The following TTN variants were observed in gnomAD, a reference collection of about 807,000 sequenced individuals.
The protein encoded by TTN is connectin.
Under a neutral mutation model 3,223.0 loss-of-function variants are expected in TTN, and 1,525 were observed. The ratio of observed to expected loss-of-function variants is 0.47; its 90% CI spans 0.45 to 0.49. TTN has a LOEUF of 0.49. Among genes scored for constraint, TTN ranks in the 20% least tolerant of loss-of-function variants. TTN has a pLI of 0.00. For missense variants in TTN, 40,786 were observed against 43,424.0 expected, an observed-to-expected ratio of 0.94 and a Z score of 5.40; for synonymous variants, 14,094 against 15,161.0, an observed-to-expected ratio of 0.93 and a Z score of 5.17.
chr2:178,740,404 T>G lies in TTN; in HGVS notation c.12829A>C (p.Ser4277Arg). 1.2e-6 allele frequency: 2 copies of G among 1,613,136 alleles called. No homozygotes were observed. The highest frequency in any genetic ancestry group is 2.7e-5 in the African/African-American group (2 of 75,026). ...LAEGHVESLQSPDVMISQVNY... is the reference protein window; with the variant it reads ...LAEGHVESLQRPDVMISQVNY... The stretch of plus-strand genomic sequence containing the variant: ...ACCTGAGAGATCATGACATCAGGAC[T>G]CTGGAGACTCTCCACGTGTCCCTCA... Residue 4277 changes from serine to arginine, a missense_variant, in exon 48 of 363, where the codon AGT (serine) becomes CGT (arginine). Ser to Arg is a moderately radical substitution (Grantham distance 110). Coordinates refer to ENST00000589042, the MANE Select transcript of TTN (RefSeq NM_001267550.2).
Position 178,602,083 on chromosome 2 carries a change from A to G in TTN, c.55188T>C (p.Ile18396=). Residue 18396 remains isoleucine (I), a synonymous_variant, in exon 284 of 363, where the codon ATT becomes ATC. Coordinates refer to ENST00000589042, the MANE Select transcript of TTN (RefSeq NM_001267550.2). ...GTCCCTTGATGACAGCAGGAATCCT[A>G]ATCTGTGAGCCAGCTTTACAAACCA... ...DCLVCKAGSQ[I]RIPAVIKGRP... 6.2e-7 allele frequency: 1 copy of G among 1,612,726 alleles called. No homozygotes were observed. The highest frequency in any genetic ancestry group is 8.5e-7 in the Non-Finnish European group (1 of 1,179,214).
At chr2:178,580,723 C>T in intron 316 of TTN, 114 bp from the exon 317 acceptor site, 1 of 1,035,656 alleles carries the variant, frequency 9.7e-7, no homozygotes, top group Non-Finnish European at 1.4e-6. Flanking sequence ...ATTTCTTGTT[C>T]TTTAAAACTT....
Position 178,735,878 on chromosome 2 carries a change from G to A in TTN, c.14568C>T (p.Asn4856=), listed in dbSNP as rs774681207. The A allele has an allele frequency of 1.2e-6, 2 of 1,613,880 alleles. No individual in the cohort carries two copies. Among genetic ancestry groups the A allele is most frequent in the Non-Finnish European group, 1.7e-6 (2 of 1,179,830 alleles). ...AAACTCCTCTATCTTGAATGGTAAG[G>A]TTTGAGAGTTCTAAAATGTGTTTGT... ...AENKHILELS[N]LTIQDRGVYS... Residue 4856 remains asparagine, a synonymous_variant, in exon 50 of 363, where the codon AAC becomes AAT. Coordinates refer to ENST00000589042, the MANE Select transcript of TTN (RefSeq NM_001267550.2).
In TTN at chr2:178,539,489, C is replaced by G. The variant is rs370747109; in HGVS notation, c.98576G>C (p.Gly32859Ala). The change falls in exon 352 of 363, where the codon GGC becomes GCC. Residue 32859 changes from glycine (G) to alanine (A), a missense_variant. Gly to Ala is a moderately conservative substitution (Grantham distance 60). Coordinates refer to ENST00000589042, the MANE Select transcript of TTN (RefSeq NM_001267550.2). Reference protein sequence around the residue: ...RVRGTSLVVKGLKENVEYHFR... With the variant: ...RVRGTSLVVKALKENVEYHFR... ...ATGGTATTCTACATTCTCTTTGAGG[C>G]CTTTTACCACCAGAGATGTACCTCG... 2.5e-6 allele frequency: 4 copies of G among 1,613,768 alleles called. No homozygotes were observed. In the Middle Eastern group the frequency reaches 5.0e-4, roughly 200 times the overall value.
Position 178,575,162 on chromosome 2 carries a change from A to G in TTN, c.70970T>C (p.Val23657Ala), listed in dbSNP as rs754468593. The G allele has an allele frequency of 3.1e-6, 5 of 1,612,720 alleles. No individual in the cohort carries two copies. Among genetic ancestry groups the G allele is most frequent in the Non-Finnish European group, 4.2e-6 (5 of 1,179,324 alleles). Reference sequence around the variant, plus strand: ...CACTGTGGGCTTCGGTCGACCGAGCACTGGAATTTCAACTTTGATGTTGTC... The same window carrying G: ...CACTGTGGGCTTCGGTCGACCGAGCGCTGGAATTTCAACTTTGATGTTGTC... ...AGDNIKVEIP[V>A]LGRPKPTVTW... Residue 23657 changes from valine to alanine, a missense_variant, in exon 326 of 363, where the codon GTG becomes GCG. Physicochemically the swap from Val to Ala is moderately conservative, Grantham distance 64. Transcript: ENST00000589042. The surrounding 1 kb of genome is among the most constrained non-coding windows in gnomAD (Gnocchi z 4.0).
In TTN at chr2:178,718,332, C is replaced by CA; in HGVS notation, c.24773dup (p.Ser8259ValfsTer10). 1.9e-6 allele frequency: 3 copies of CA among 1,613,222 alleles called. No individual in the cohort carries two copies. The highest frequency in any genetic ancestry group is 2.5e-6 in the Non-Finnish European group (3 of 1,179,396). ...TAGCTGTCAACACACCTAAGACAGACACCAGAGCTTCACAGATATCTTGAC... is the reference window on the plus strand; with the variant it reads ...TAGCTGTCAACACACCTAAGACAGACAACCAGAGCTTCACAGATATCTTGAC... On this transcript the variant is annotated frameshift_variant, in exon 85 of 363. Coordinates refer to ENST00000589042, the MANE Select transcript of TTN (RefSeq NM_001267550.2). LOFTEE classifies it high-confidence loss of function.
intron 223 of TTN, among the ~76,000 whole-genome samples, chr2:178,639,161 T>G (rs887902694): frequency 2.0e-5 from 3 of 152,066 alleles, no homozygotes; most frequent in African/African-American, 7.2e-5. Context: ...TTCTTTCTTA[T>G]TGTGGTAAAA....
chr2:178,777,648 A>G (rs914928095), intron 25 of TTN, 56 bp downstream of exon 25: 4 of 1,613,536 alleles, frequency 2.5e-6, no homozygotes, highest in Non-Finnish European at 3.4e-6. Context: ...TTAGATGCAT[A>G]CATAAGCTTG....
chr2:178,599,698 C>A lies in TTN; in HGVS notation c.56203G>T (p.Asp18735Tyr), dbSNP rs1350452892. Residue 18735 changes from aspartate (D) to tyrosine (Y), a missense_variant, in exon 289 of 363, where the codon GAC becomes TAC. Asp to Tyr is a radical substitution (Grantham distance 160). Transcript: ENST00000589042. ...ACCACCAGTTTGTTGACATGGGTGT[C>A]ATAGAGAACAGGTTCTTTGTTATCA... ...KPDNKEPVLY[D>Y]THVNKLVVDD... is the part of the protein sequence containing the mutation. 3 of 1,612,890 alleles carry A rather than the reference C, an allele frequency of 1.9e-6. No homozygotes were observed. The East Asian group carries it at 6.7e-5, about 36-fold the overall frequency.
At position 178,602,584 on chromosome 2, in the gene TTN, G is replaced by A. The variant is rs201035511; in HGVS notation, c.54818C>T (p.Pro18273Leu). 947 of 1,503,086 alleles carry A rather than the reference G, an allele frequency of 6.3e-4. 2 individuals carry two copies. The highest frequency in any genetic ancestry group is 7.8e-4 in the Non-Finnish European group (878 of 1,128,934). 93.1% of individuals were successfully genotyped at this position (1,503,086 alleles called of 1,614,324 possible). A position where few individuals can be genotyped will look rare whatever the true frequency, so the allele number is the denominator to read the frequency against. ...AACTTCTGGGCAAGAAGGTGGCCCCGGTGGAACTAATAACAAAAGAAAAAA... is the reference window on the plus strand; with the variant it reads ...AACTTCTGGGCAAGAAGGTGGCCCCAGTGGAACTAATAACAAAAGAAAAAA... The part of the protein sequence containing the change: ...PEVAGDPIFP[P>L]GPPSCPEVKD... The change falls in exon 283 of 363, where the codon CCG becomes CTG. Residue 18273 changes from proline to leucine, a missense_variant. Coordinates refer to ENST00000589042, the MANE Select transcript of TTN (RefSeq NM_001267550.2).
At chr2:178,713,512 A>C in intron 92 of TTN, 140 bp from the exon 93 acceptor site, 1 of 1,280,470 alleles carries the variant, frequency 7.8e-7, no homozygotes, top group Non-Finnish European at 1.0e-6. Flanking sequence ...GGTATTAAAA[A>C]CTCCTCTATG....
At chr2:178,803,324 C>T (rs1041305975) in intron 2 of TTN, among the ~76,000 whole-genome samples, 46 of 152,136 alleles carry the variant, frequency 3.0e-4, no homozygotes, top group African/African-American at 9.6e-4. Context: ...ATGAAGTAGC[C>T]AGATTCCACT....
rs781269159 is a variant in TTN at position 178,619,646 on chromosome 2, T to C, written c.46671A>G (p.Glu15557=). 3.1e-6 allele frequency: 5 copies of C among 1,612,002 alleles called. No individual in the cohort carries two copies. In the South Asian group the frequency reaches 3.3e-5, roughly 11 times the overall value. The part of the protein sequence containing the change: ...GEYRFIAKDK[E]ARAKLELAAA... Reference sequence around the variant, plus strand: ...CTGCCAGTTCAAGCTTAGCTCTGGCTTCTTTGTCTTTGGCAATAAATCTGT... The same window carrying C: ...CTGCCAGTTCAAGCTTAGCTCTGGCCTCTTTGTCTTTGGCAATAAATCTGT... The change falls in exon 250 of 363, where the codon GAA becomes GAG. Residue 15557 remains glutamate (E), a synonymous_variant. Transcript: ENST00000589042.
rs763302008 is a variant in TTN, at chr2:178,726,012, T to C, written c.20310A>G (p.Val6770=). ...PPVFSSFPPI[V]ETLKNAEVSL... Reference sequence around the variant, plus strand: ...TGACTTCAGCATTTTTAAGGGTTTCTACTATAGGAGGGAAGCTGCTAAAAA... The same window carrying C: ...TGACTTCAGCATTTTTAAGGGTTTCCACTATAGGAGGGAAGCTGCTAAAAA... The change falls in exon 70 of 363, where the codon GTA becomes GTG. Residue 6770 remains valine, a synonymous_variant. Coordinates refer to ENST00000589042, the MANE Select transcript of TTN (RefSeq NM_001267550.2). 3 of 1,572,472 alleles carry C rather than the reference T, an allele frequency of 1.9e-6. No homozygotes were observed. The highest frequency in any genetic ancestry group is 2.3e-5 in the East Asian group (1 of 43,640).
In TTN at chr2:178,551,722, A is replaced by G; in HGVS notation, c.91178T>C (p.Leu30393Pro). The change falls in exon 335 of 363, where the codon CTG becomes CCG. Residue 30393 changes from leucine to proline, a missense_variant. Physicochemically the swap from Leu to Pro is moderately conservative, Grantham distance 98. Transcript: ENST00000589042. ...AGCATATACACGGAATTGGTAATCCAGACCTTCTACCAGTCCAGTGGCTCT... is the reference window on the plus strand; with the variant it reads ...AGCATATACACGGAATTGGTAATCCGGACCTTCTACCAGTCCAGTGGCTCT... ...EYRATGLVEG[L>P]DYQFRVYAEN... 1 of 1,613,802 alleles carries G rather than the reference A, an allele frequency of 6.2e-7. No homozygotes were observed. The highest frequency in any genetic ancestry group is 8.5e-7 in the Non-Finnish European group (1 of 1,179,760).
In TTN at chr2:178,675,975, C is replaced by A; in HGVS notation, c.34399G>T (p.Val11467Leu). Reference sequence around the variant, plus strand: ...GGAATGACCACTTTCTTCTCTGTCACTTTCTTCTTAATTTCAGGCACTTTA... The same window carrying A: ...GGAATGACCACTTTCTTCTCTGTCAATTTCTTCTTAATTTCAGGCACTTTA... ...PPKVPEIKKK[V>L]TEKKVVIPKK... The change falls in exon 148 of 363, where the codon GTG becomes TTG. Residue 11467 changes from valine (V) to leucine (L), a missense_variant. Transcript: ENST00000589042. 1 of 1,604,408 alleles carries A rather than the reference C, an allele frequency of 6.2e-7. No individual in the cohort carries two copies. Among genetic ancestry groups the A allele is most frequent in the Non-Finnish European group, 8.5e-7 (1 of 1,174,604 alleles).
chr2:178,576,000 A>G lies in TTN; in HGVS notation c.70132T>C (p.Trp23378Arg), dbSNP rs1709952392. The G allele has an allele frequency of 6.2e-7, 1 of 1,612,276 alleles. No individual in the cohort carries two copies. The highest frequency in any genetic ancestry group is 8.5e-7 in the Non-Finnish European group (1 of 1,178,650). Reference sequence around the variant, plus strand: ...TTCAGGTTGATGTTATCTTTGGTCCATGTCACTTCAGGAGCAGGACGACCT... The same window carrying G: ...TTCAGGTTGATGTTATCTTTGGTCCGTGTCACTTCAGGAGCAGGACGACCT... ...IKGRPAPEVT[W>R]TKDNINLKNR... Residue 23378 changes from tryptophan to arginine, a missense_variant, in exon 326 of 363, where the codon TGG becomes CGG. Trp to Arg is a moderately radical substitution (Grantham distance 101). Transcript: ENST00000589042. This position sits in a 1 kb window ranked among gnomAD's most constrained non-coding sequence, Gnocchi z 4.0.
intron 101 of TTN, 40 bp downstream of exon 101, chr2:178,706,822 T>A: frequency 6.2e-7 from 1 of 1,609,510 alleles, no homozygotes; most frequent in Non-Finnish European, 8.5e-7. Context: ...GTAAAAGGTA[T>A]AAGATAGATG....
chr2:178,577,518 GA>G lies in TTN; in HGVS notation c.68825-9del. ...GGACAATTGTTGGTGCCTCTGCAAA[GA>G]AAAAAATACATTTTAATCAGAAAAG... On this transcript the variant is annotated splice_polypyrimidine_tract_variant and intron_variant, in intron 323 of 362. Transcript: ENST00000589042. 1 of 1,552,292 alleles carries G rather than the reference GA, an allele frequency of 6.4e-7. No homozygotes were observed. Among genetic ancestry groups the G allele is most frequent in the South Asian group, 1.2e-5 (1 of 80,486 alleles).
Sources: allele counts gnomAD v4.1 joint callset (sites outside exome capture counted in the v4.1 genomes callset), GRCh38; gene constraint gnomAD v4.1.1; non-coding constraint Gnocchi (gnomAD v3.1); transcripts MANE v1.5; gene names NCBI Gene and HGNC (gene_info 2026-07-23, HGNC 2026-07-21).